FAAH2: variants seen among roughly 807,000 people sequenced by gnomAD.
The protein encoded by FAAH2 is fatty acid amide hydrolase 2, also known as fatty-acid amide hydrolase 2.
In FAAH2, 60 loss-of-function variants were observed where a neutral mutation model predicts 36.9. The ratio of observed to expected loss-of-function variants is 1.63; its 90% CI spans 1.32 to 2.02. The LOEUF (loss-of-function observed/expected upper bound fraction) is 2.02. FAAH2 is among the 30% of genes most tolerant of loss of function. The pLI is 0.00. For missense variants in FAAH2, 689 were observed against 397.5 expected (o/e 1.73, Z -6.23); for synonymous variants, 214 against 143.8 (o/e 1.49, Z -3.49).
chrX:57,177,507 T>A, the FAAH2 span, among the ~76,000 whole-genome samples: 5 of 97,456 alleles, frequency 5.1e-5, no homozygotes, highest in African/African-American at 1.8e-4. Flanking sequence ...TCAAAAAAAA[T>A]TAAAACAAAT....
At chrX:57,163,378 G>T in the FAAH2 span, among the ~76,000 whole-genome samples, 2 of 112,071 alleles carry the variant, frequency 1.8e-5, no homozygotes, top group East Asian at 5.6e-4. Context: ...TTGAGCTGTG[G>T]TGGGCTCCAC....
the FAAH2 span, among the ~76,000 whole-genome samples, chrX:57,171,569 T>C: frequency 8.1e-5 from 9 of 111,790 alleles, no homozygotes; most frequent in African/African-American, 2.9e-4. Flanking sequence ...TTTTGAGAAA[T>C]GTCTAGTCAT....
chrX:57,376,463 A>T (rs1313141816), intron 5 of FAAH2, among the ~76,000 whole-genome samples: 2 of 110,485 alleles, frequency 1.8e-5, no homozygotes, highest in African/African-American at 6.6e-5. Flanking sequence ...TTCAACTCCC[A>T]CTTATGAGTG....
chrX:57,335,792 A>G (rs889313369), intron 4 of FAAH2, among the ~76,000 whole-genome samples: 3 of 111,959 alleles, frequency 2.7e-5, no homozygotes, highest in African/African-American at 9.8e-5. Context: ...CTTGGACAAT[A>G]CCTGGCTTTC....
the FAAH2 span, among the ~76,000 whole-genome samples, chrX:57,217,633 G>A: frequency 9.0e-6 from 1 of 111,673 alleles, no homozygotes; most frequent in East Asian, 2.8e-4. Context: ...CTGTTCCATT[G>A]GTCTATGTGC....
At chrX:57,419,266 A>T (rs1243563058) in intron 7 of FAAH2, among the ~76,000 whole-genome samples, 2 of 110,442 alleles carry the variant, frequency 1.8e-5, no homozygotes, top group African/African-American at 6.6e-5. Context: ...TGGTATTTCT[A>T]GTTCTAGATC....
chrX:57,266,897 C>T, the FAAH2 span, among the ~76,000 whole-genome samples: 1 of 112,486 alleles, frequency 8.9e-6, no homozygotes, highest in Non-Finnish European at 1.9e-5. Context: ...TCAACTTGCT[C>T]CCACAAGAGG....
intron 5 of FAAH2, among the ~76,000 whole-genome samples, chrX:57,355,195 AAAACATGTGTTGGTT>A (rs755294352): frequency 1.3e-3 from 150 of 111,402 alleles, no homozygotes; most frequent in Middle Eastern, 9.3e-3. Flanking sequence ...TCTGAATACA[AAAACATGTGTTGGTT>A]AAACATGTGC....
At chrX:57,235,000 T>G in the FAAH2 span, among the ~76,000 whole-genome samples, 2 of 111,500 alleles carry the variant, frequency 1.8e-5, no homozygotes, top group East Asian at 5.7e-4. Context: ...ATCGTGACAC[T>G]GCACTCCAGC....
chrX:57,237,386 T>A, the FAAH2 span, among the ~76,000 whole-genome samples: 7 of 111,186 alleles, frequency 6.3e-5, no homozygotes, highest in Non-Finnish European at 1.1e-4. Flanking sequence ...CTAACAGAAA[T>A]ATGAGAATTT....
intron 10 of FAAH2, among the ~76,000 whole-genome samples, chrX:57,469,312 TAG>T (rs1270660183): frequency 2.7e-5 from 3 of 111,532 alleles, no homozygotes; most frequent in Admixed American, 9.5e-5. Context: ...ACAAATTGGA[TAG>T]AGAGTCAAGA....
intron 7 of FAAH2, among the ~76,000 whole-genome samples, chrX:57,389,052 TG>T (rs2055096933): frequency 9.2e-6 from 1 of 108,667 alleles, no homozygotes; most frequent in African/African-American, 3.3e-5. Flanking sequence ...GAACAAAAGC[TG>T]TTATAATCAT....
At chrX:57,447,513 T>A (rs181355942) in intron 9 of FAAH2, among the ~76,000 whole-genome samples, 92 of 112,204 alleles carry the variant, frequency 8.2e-4, no homozygotes, top group Non-Finnish European at 1.5e-3. Flanking sequence ...TCAGCACACC[T>A]CTGTCTGGGC....
At chrX:57,203,808 A>G in the FAAH2 span, among the ~76,000 whole-genome samples, 1 of 112,049 alleles carries the variant, frequency 8.9e-6, no homozygotes, top group Non-Finnish European at 1.9e-5. Flanking sequence ...TAATTTTGCA[A>G]TATCCAAAGA....
chrX:57,466,478 A>C (rs2057053481), intron 10 of FAAH2, among the ~76,000 whole-genome samples: 1 of 11,339 alleles, frequency 8.8e-5, no homozygotes, highest in Admixed American at 2.8e-3. Context: ...TAAAAGAGGA[A>C]CAGAAAAAAC....
intron 3 of FAAH2, among the ~76,000 whole-genome samples, chrX:57,325,424 CT>C (rs1297769784): frequency 3.6e-5 from 4 of 111,535 alleles, no homozygotes; most frequent in Non-Finnish European, 7.5e-5. Flanking sequence ...GTACCAGCTC[CT>C]TCTTGTACCT....
the FAAH2 span, among the ~76,000 whole-genome samples, chrX:57,212,056 C>G: frequency 2.0e-3 from 225 of 111,569 alleles, no homozygotes; most frequent in African/African-American, 7.0e-3. Context: ...GGCAACATAA[C>G]AAGACCCTGT....
At chrX:57,271,448 G>A in the FAAH2 span, among the ~76,000 whole-genome samples, 1 of 112,278 alleles carries the variant, frequency 8.9e-6, no homozygotes. Flanking sequence ...GTGAGTCCCT[G>A]ACCCCCGTGT....
At chrX:57,475,155 T>C (rs905897432) in intron 10 of FAAH2, among the ~76,000 whole-genome samples, 1 of 111,950 alleles carries the variant, frequency 8.9e-6, no homozygotes, top group Non-Finnish European at 1.9e-5. Context: ...ATCTGTTCAC[T>C]CTGATGCTAA....
Sources: allele counts gnomAD v4.1 joint callset (sites outside exome capture counted in the v4.1 genomes callset), GRCh38; gene constraint gnomAD v4.1.1; transcripts MANE v1.5; gene names NCBI Gene and HGNC (gene_info 2026-07-23, HGNC 2026-07-21).